The following AUTS2 variants were observed in gnomAD, a reference collection of about 807,000 sequenced individuals.
AUTS2 encodes activator of transcription and developmental regulator AUTS2.
AUTS2 carries 17 observed loss-of-function variants against 112.4 expected under a neutral mutation model. That is an observed-to-expected ratio of 0.15 (90% CI 0.10 to 0.23). The LOEUF is 0.23. AUTS2 is among the 10% of genes least tolerant of loss of function. AUTS2 has a pLI of 1.00. For missense variants in AUTS2, 1,510 were observed against 1,701.6 expected (o/e 0.89, Z 1.98); for synonymous variants, 751 against 702.7 (o/e 1.07, Z -1.09).
At chr7:70,208,031 A>C (rs1439509480) in intron 4 of AUTS2, among the ~76,000 whole-genome samples, 2 of 151,256 alleles carry the variant, frequency 1.3e-5, no homozygotes, top group African/African-American at 4.8e-5. Context: ...AAAAAAAAAA[A>C]AAACCAACAA....
At chr7:70,249,665 A>G (rs1786481372) in intron 4 of AUTS2, among the ~76,000 whole-genome samples, 1 of 152,050 alleles carries the variant, frequency 6.6e-6, no homozygotes, top group Admixed American at 6.6e-5. Flanking sequence ...AGAATAACCT[A>G]GTAACCATGG....
chr7:69,831,587 A>G (rs1267583444), intron 1 of AUTS2, among the ~76,000 whole-genome samples: 1 of 151,082 alleles, frequency 6.6e-6, no homozygotes. Flanking sequence ...AAGAAGCATG[A>G]ACCTTCTGTA....
rs746774405 is a variant in AUTS2 at position 69,599,806 on chromosome 7, G to T, written c.153G>T (p.Ser51=). The part of the protein sequence containing the change: ...GRTRALSLAS[S]SGSDKEDNGK... ...CCCGGGCGCTCTCACTCGCCTCGTCGTCGGGCTCCGACAAGGAAGACAATG... is the reference window on the plus strand; with the variant it reads ...CCCGGGCGCTCTCACTCGCCTCGTCTTCGGGCTCCGACAAGGAAGACAATG... The change falls in exon 1 of 19, where the codon TCG becomes TCT. Residue 51 remains serine (S), a synonymous_variant. Coordinates refer to ENST00000342771, the MANE Select transcript of AUTS2 (RefSeq NM_015570.4). The surrounding 1 kb of genome is among the most constrained non-coding windows in gnomAD (Gnocchi z 7.0). The T allele has an allele frequency of 1.3e-6, 2 of 1,597,812 alleles. No individual in the cohort carries two copies. Among genetic ancestry groups the T allele is most frequent in the East Asian group, 2.3e-5 (1 of 43,028 alleles).
At position 70,543,422 on chromosome 7, in the gene AUTS2, G is replaced by A. The variant is rs138899227; in HGVS notation, c.690+107641G>A. 8.5e-3 allele frequency among the ~76,000 whole-genome samples: 1,294 copies of A among 152,026 alleles called. 10 individuals are homozygous for A. Among genetic ancestry groups the A allele is most frequent in the Middle Eastern group, 0.024 (7 of 294 alleles). On this transcript the variant is annotated intron_variant, in intron 5 of 18. Transcript: ENST00000342771. ...CGGGCACCTGTAATCCCAGCTACTC[G>A]GGAGGCTGAGGCACGAGAATCGCTT... is the stretch of plus-strand genomic sequence containing the variant.
At chr7:70,140,203 C>T (rs778450514) in intron 4 of AUTS2, among the ~76,000 whole-genome samples, 1 of 152,068 alleles carries the variant, frequency 6.6e-6, no homozygotes, top group Non-Finnish European at 1.5e-5. Flanking sequence ...GCAAGGATGC[C>T]TCATAGATCA....
At chr7:70,383,043 T>C (rs968245931) in intron 4 of AUTS2, among the ~76,000 whole-genome samples, 1 of 152,222 alleles carries the variant, frequency 6.6e-6, no homozygotes, top group African/African-American at 2.4e-5. Flanking sequence ...TTCATGTTGA[T>C]ATATTCTGAT....
At chr7:70,386,899 C>G (rs1793635747) in intron 4 of AUTS2, among the ~76,000 whole-genome samples, 1 of 152,146 alleles carries the variant, frequency 6.6e-6, no homozygotes, top group Admixed American at 6.5e-5. Context: ...TGCCCCTTCC[C>G]AGATTTACCC....
At chr7:69,831,407 A>T (rs1399507152) in intron 1 of AUTS2, among the ~76,000 whole-genome samples, 1 of 152,062 alleles carries the variant, frequency 6.6e-6, no homozygotes, top group Admixed American at 6.6e-5. Context: ...GAACCAAAGA[A>T]AATAAGCAAC....
intron 1 of AUTS2, among the ~76,000 whole-genome samples, chr7:69,645,778 T>C (rs1188544718): frequency 4.0e-5 from 6 of 151,784 alleles, no homozygotes; most frequent in Non-Finnish European, 8.8e-5. Context: ...AAAAAGAGAC[T>C]TCCAGTCTGG....
chr7:70,564,497 C>T (rs902257095), intron 5 of AUTS2, among the ~76,000 whole-genome samples: 16 of 152,218 alleles, frequency 1.1e-4, no homozygotes, highest in African/African-American at 3.9e-4. Context: ...TCTTATTTAA[C>T]ACCAACAATA....
chr7:70,245,169 T>TATATATATATATATATATATAA (rs1317610996), intron 4 of AUTS2, among the ~76,000 whole-genome samples: 2 of 118,622 alleles, frequency 1.7e-5, no homozygotes, highest in African/African-American at 6.6e-5. Context: ...TATATATATA[T>TATATATATATATATATATATAA]AAAAAATAAA....
At chr7:70,228,985 A>T (rs1257451709) in intron 4 of AUTS2, among the ~76,000 whole-genome samples, 2 of 151,974 alleles carry the variant, frequency 1.3e-5, no homozygotes, top group East Asian at 3.9e-4. Flanking sequence ...GGCACACATA[A>T]CTATATTCTT....
intron 4 of AUTS2, among the ~76,000 whole-genome samples, chr7:70,418,854 GT>G (rs34232313): frequency 1.2e-4 from 18 of 148,246 alleles, no homozygotes; most frequent in East Asian, 4.0e-4. Context: ...TTTTTCCAGT[GT>G]TTTTTTTTTC....
At chr7:69,664,308 T>C in intron 1 of AUTS2, among the ~76,000 whole-genome samples, 1 of 152,298 alleles carries the variant, frequency 6.6e-6, no homozygotes, top group Non-Finnish European at 1.5e-5. Context: ...GGACTAACTG[T>C]ATTAGGAGCT....
intron 5 of AUTS2, among the ~76,000 whole-genome samples, chr7:70,601,572 G>A (rs973150990): frequency 6.6e-6 from 1 of 152,184 alleles, no homozygotes; most frequent in Non-Finnish European, 1.5e-5. Flanking sequence ...ATTACAATTC[G>A]TGCTTCAGAA....
intron 9 of AUTS2, 152 bp from the exon 10 acceptor site, chr7:70,767,872 A>C: frequency 2.8e-6 from 2 of 709,776 alleles, no homozygotes; most frequent in Non-Finnish European, 4.8e-6. Flanking sequence ...CTTGTCAGGG[A>C]GACTCAGGAG....
chr7:70,260,064 C>T (rs1043919355), intron 4 of AUTS2, among the ~76,000 whole-genome samples: 2 of 151,974 alleles, frequency 1.3e-5, no homozygotes, highest in African/African-American at 4.8e-5. Flanking sequence ...TAACAGAATA[C>T]CTAAAACTAG....
intron 2 of AUTS2, among the ~76,000 whole-genome samples, chr7:69,958,537 T>C (rs1797307934): frequency 6.6e-6 from 1 of 152,008 alleles, no homozygotes; most frequent in Non-Finnish European, 1.5e-5. Flanking sequence ...GCTGGGCACA[T>C]TTACTTCTTA....
intron 5 of AUTS2, among the ~76,000 whole-genome samples, chr7:70,649,547 G>A (rs371005202): frequency 1.1e-5 from 1 of 93,208 alleles, no homozygotes; most frequent in African/African-American, 4.0e-5. Context: ...TTTATTTTTT[G>A]AGACGGAGTC....
Sources: gnomAD v4.1 joint callset for allele counts (sites outside exome capture counted in the v4.1 genomes callset) on GRCh38, gnomAD v4.1.1 for gene constraint, Gnocchi (gnomAD v3.1) non-coding constraint, MANE v1.5 for transcripts, NCBI Gene and HGNC (gene_info 2026-07-23, HGNC 2026-07-21) for gene names.